The following ZDHHC21 variants were observed in gnomAD, a reference collection of about 807,000 sequenced individuals.
ZDHHC21 encodes palmitoyltransferase ZDHHC21.
In ZDHHC21, 15 loss-of-function variants were observed where a neutral mutation model predicts 34.6. The observed-to-expected ratio is 0.43, with a 90% CI of 0.29 to 0.67. The LOEUF (loss-of-function observed/expected upper bound fraction) is 0.67, where lower values mean the gene tolerates loss of function less well. Among genes scored for constraint, ZDHHC21 ranks in the 30% least tolerant of loss-of-function variants. ZDHHC21 has a pLI of 0.14. For synonymous variants in ZDHHC21, 142 were observed against 101.8 expected (o/e 1.40, Z -2.38); for missense variants, 344 against 327.7 (o/e 1.05, Z -0.38).
chr9:14,649,789 T>G (rs1830900042), intron 7 of ZDHHC21, among the ~76,000 whole-genome samples: 1 of 152,068 alleles, frequency 6.6e-6, no homozygotes, highest in Non-Finnish European at 1.5e-5. Context: ...TCCAGAAAAA[T>G]TATTTTGTCT....
chr9:14,620,755 T>C (rs1825165293), intron 8 of ZDHHC21, among the ~76,000 whole-genome samples: 1 of 152,048 alleles, frequency 6.6e-6, no homozygotes, highest in African/African-American at 2.4e-5. Flanking sequence ...AGTTAGCCTA[T>C]GTAAGAGAAA....
intron 1 of ZDHHC21, 54 bp downstream of exon 1, chr9:14,693,175 C>T (rs1469125123): frequency 5.0e-6 from 1 of 199,936 alleles, no homozygotes; most frequent in Non-Finnish European, 9.3e-6. Context: ...GGTGGGGGTG[C>T]GGATGGGGAT....
chr9:14,647,275 C>G (rs1037047480), intron 7 of ZDHHC21, among the ~76,000 whole-genome samples: 1 of 151,982 alleles, frequency 6.6e-6, no homozygotes, highest in Non-Finnish European at 1.5e-5. Flanking sequence ...CAGTGGGGGG[C>G]ACCACCTCTT....
At chr9:14,641,430 A>C (rs58351851) in intron 7 of ZDHHC21, among the ~76,000 whole-genome samples, 8,999 of 152,304 alleles carry the variant, frequency 0.059, 322 homozygotes, top group Admixed American at 0.12. Flanking sequence ...ACACTATTTA[A>C]AAACACAAAT....
intron 8 of ZDHHC21, among the ~76,000 whole-genome samples, chr9:14,626,127 A>G (rs189500429): frequency 1.3e-3 from 205 of 152,172 alleles, no homozygotes; most frequent in African/African-American, 4.8e-3. Context: ...CACCAAAATT[A>G]TACTTTGATA....
the ZDHHC21 span, among the ~76,000 whole-genome samples, chr9:14,603,348 T>C: frequency 6.6e-6 from 1 of 152,156 alleles, no homozygotes; most frequent in Non-Finnish European, 1.5e-5. Flanking sequence ...ATTTCTTACA[T>C]GAATATTACA....
intron 3 of ZDHHC21, among the ~76,000 whole-genome samples, chr9:14,676,778 T>C (rs1036092731): frequency 1.3e-5 from 2 of 152,054 alleles, no homozygotes; most frequent in Non-Finnish European, 2.9e-5. Context: ...GTAAGCTATC[T>C]ACACAGTTAA....
chr9:14,663,928 A>AT (rs1833873713), intron 5 of ZDHHC21, among the ~76,000 whole-genome samples: 3 of 152,204 alleles, frequency 2.0e-5, no homozygotes, highest in African/African-American at 2.4e-5. Flanking sequence ...TGTCACAAGC[A>AT]TATCATATTC....
chr9:14,603,101 A>C, the ZDHHC21 span, among the ~76,000 whole-genome samples: 2 of 152,116 alleles, frequency 1.3e-5, no homozygotes, highest in Non-Finnish European at 2.9e-5. Context: ...TGAATATTCC[A>C]TATTTTGAAT....
intron 5 of ZDHHC21, among the ~76,000 whole-genome samples, chr9:14,670,548 C>A (rs1283805114): frequency 6.6e-6 from 1 of 151,992 alleles, no homozygotes; most frequent in African/African-American, 2.4e-5. Context: ...GTAATAGAGA[C>A]TGTATGGCCC....
At position 14,688,393 on chromosome 9, in the gene ZDHHC21, C is replaced by G. The variant is rs547941679; in HGVS notation, c.-176+1944G>C. On this transcript the variant is annotated intron_variant, in intron 2 of 9. Coordinates refer to ENST00000380916, the MANE Select transcript of ZDHHC21 (RefSeq NM_178566.6). ...TAGTTTTACAAACTCCAGAATGAAA[C>G]AACGTTTCTAGGTCCCCATCATTAA... Among the ~76,000 whole-genome samples, 32 of 150,866 alleles carry G rather than the reference C, an allele frequency of 2.1e-4. 2 individuals carry two copies. The highest frequency in any genetic ancestry group is 7.2e-4 in the African/African-American group (29 of 40,192).
intron 7 of ZDHHC21, among the ~76,000 whole-genome samples, chr9:14,653,703 C>G (rs1831662740): frequency 6.6e-6 from 1 of 151,966 alleles, no homozygotes; most frequent in Non-Finnish European, 1.5e-5. Flanking sequence ...CTGCACAACT[C>G]CACAGGATAC....
intron 3 of ZDHHC21, 86 bp from the exon 4 acceptor site, chr9:14,674,471 A>T: frequency 1.3e-6 from 1 of 754,750 alleles, no homozygotes; most frequent in Non-Finnish European, 2.1e-6. Flanking sequence ...ATAAAATGAC[A>T]TTGAGTTTTC....
chr9:14,687,392 C>A (rs538952014), intron 2 of ZDHHC21, among the ~76,000 whole-genome samples: 1 of 150,402 alleles, frequency 6.6e-6, no homozygotes, highest in East Asian at 1.9e-4. Flanking sequence ...AATGCTGGGC[C>A]GGGCATGGTG....
At chr9:14,604,993 T>A in the ZDHHC21 span, among the ~76,000 whole-genome samples, 3 of 152,174 alleles carry the variant, frequency 2.0e-5, no homozygotes, top group African/African-American at 7.2e-5. Flanking sequence ...TTATTTCACT[T>A]AGCAAAATGT....
chr9:14,639,822 A>T (rs759967440), intron 8 of ZDHHC21, 74 bp downstream of exon 8: 3 of 862,622 alleles, frequency 3.5e-6, no homozygotes, highest in Non-Finnish European at 5.0e-6. Flanking sequence ...TAAACTTCCT[A>T]TAACTTTTGA....
intron 3 of ZDHHC21, among the ~76,000 whole-genome samples, chr9:14,676,366 T>C (rs887537259): frequency 1.2e-4 from 18 of 151,864 alleles, no homozygotes; most frequent in Non-Finnish European, 2.7e-4. Flanking sequence ...CAGGGCACCA[T>C]CCCTTAGAGG....
intron 6 of ZDHHC21, among the ~76,000 whole-genome samples, chr9:14,661,060 GT>G (rs1198303630): frequency 6.6e-6 from 1 of 152,050 alleles, no homozygotes; most frequent in Non-Finnish European, 1.5e-5. Flanking sequence ...AATTATTTAC[GT>G]TTAAATTCAA....
In ZDHHC21 at chr9:14,672,456, T is replaced by C. The variant is rs528777751; in HGVS notation, c.253+374A>G. Among the ~76,000 whole-genome samples the C allele has an allele frequency of 4.6e-5, 7 of 152,138 alleles. No individual in the cohort carries two copies. The South Asian group carries it at 1.5e-3, about 32-fold the overall frequency. On this transcript the variant is annotated intron_variant, in intron 5 of 9. Transcript: ENST00000380916. ...AGCTAAAATTATCTCTGTACATAGA[T>C]CCATGGTAATAAGATGACAGAGACA... is the stretch of plus-strand genomic sequence containing the variant.
Sources: allele counts gnomAD v4.1 joint callset (sites outside exome capture counted in the v4.1 genomes callset), GRCh38; gene constraint gnomAD v4.1.1; transcripts MANE v1.5; gene names NCBI Gene and HGNC (gene_info 2026-07-23, HGNC 2026-07-21).